ZNF423: variants seen among roughly 807,000 people sequenced by gnomAD.
ZNF423 encodes zinc finger protein 423.
ZNF423 carries 12 observed loss-of-function variants against 95.8 expected under a neutral mutation model. That is an observed-to-expected ratio of 0.13 (90% CI 0.08 to 0.20). The LOEUF (loss-of-function observed/expected upper bound fraction) is 0.20. Among genes scored for constraint, ZNF423 ranks in the 10% least tolerant of loss-of-function variants. The pLI is 1.00. For synonymous variants in ZNF423, 749 were observed against 711.9 expected, an observed-to-expected ratio of 1.05 and a Z score of -0.83; for missense variants, 1,316 against 1,737.1, an observed-to-expected ratio of 0.76 and a Z score of 4.31.
At chr16:49,496,216 C>A (rs944906001) in intron 7 of ZNF423, among the ~76,000 whole-genome samples, 3 of 152,236 alleles carry the variant, frequency 2.0e-5, no homozygotes, top group African/African-American at 7.2e-5. Flanking sequence ...TGGGCAAGTT[C>A]TGTGACCTCC....
intron 5 of ZNF423, among the ~76,000 whole-genome samples, chr16:49,562,427 T>G (rs906036990): frequency 6.6e-6 from 1 of 152,224 alleles, no homozygotes; most frequent in Non-Finnish European, 1.5e-5. Context: ...GTAAAGTGCT[T>G]GGCGCAGTGC....
At chr16:49,524,288 A>G (rs904398883) in intron 6 of ZNF423, among the ~76,000 whole-genome samples, 2 of 152,212 alleles carry the variant, frequency 1.3e-5, no homozygotes, top group African/African-American at 4.8e-5. Flanking sequence ...AAATAAGCTC[A>G]GCACAGGGTC....
At chr16:49,661,626 C>T (rs765203417) in intron 3 of ZNF423, among the ~76,000 whole-genome samples, 1 of 152,244 alleles carries the variant, frequency 6.6e-6, no homozygotes, top group Non-Finnish European at 1.5e-5. Context: ...TTGGGAAACA[C>T]CTCGCATCCA....
In ZNF423 at chr16:49,525,477, C is replaced by T. The variant is rs746296704; in HGVS notation, c.3619G>A (p.Glu1207Lys). 6.2e-7 allele frequency: 1 copy of T among 1,614,044 alleles called. No homozygotes were observed. Among genetic ancestry groups the T allele is most frequent in the Non-Finnish European group, 8.5e-7 (1 of 1,179,972 alleles). Reference sequence around the variant, plus strand: ...AACATCTGGTTGCACAGCTTACACTCGTGGTTGATGCCTTCCTCTGCAAGG... The same window carrying T: ...AACATCTGGTTGCACAGCTTACACTTGTGGTTGATGCCTTCCTCTGCAAGG... ...NHMIEEGINH[E>K]CKLCNQMFDS... Residue 1207 changes from glutamate to lysine, a missense_variant, in exon 6 of 8, where the codon GAG becomes AAG. Around this residue, in one of 6 missense-constraint regions of ZNF423, gnomAD observed 75 missense variants for 163.5 expected, o/e 0.46. Coordinates refer to ENST00000563137, the MANE Select transcript of ZNF423 (RefSeq NM_001379286.1).
intron 5 of ZNF423, among the ~76,000 whole-genome samples, chr16:49,606,863 G>A (rs1971552403): frequency 6.6e-6 from 1 of 152,116 alleles, no homozygotes; most frequent in African/African-American, 2.4e-5. Context: ...GCAGAGAAGT[G>A]GGGACCATGC....
rs560376661 is a variant in ZNF423, at chr16:49,576,451, A to G, written c.3601+49719T>C. Among the ~76,000 whole-genome samples, 21 of 152,312 alleles carry G rather than the reference A, an allele frequency of 1.4e-4. No homozygotes were observed. The South Asian group carries it at 1.4e-3, about 11-fold the overall frequency. On this transcript the variant is annotated intron_variant, in intron 5 of 7. Coordinates refer to ENST00000563137, the MANE Select transcript of ZNF423 (RefSeq NM_001379286.1). The stretch of plus-strand genomic sequence containing the variant: ...TCAAGTCTATTGAGTGTTAGCCCCA[A>G]TGCAACTACATTCACTACCAATAAA...
At chr16:49,848,510 C>T (rs1176155807) in intron 1 of ZNF423, among the ~76,000 whole-genome samples, 1 of 150,660 alleles carries the variant, frequency 6.6e-6, no homozygotes, top group Non-Finnish European at 1.5e-5. Flanking sequence ...ATAACCCAGG[C>T]CTCTGTCTCT....
At chr16:49,547,612 T>TG (rs1969485320) in intron 5 of ZNF423, among the ~76,000 whole-genome samples, 1 of 152,180 alleles carries the variant, frequency 6.6e-6, no homozygotes, top group Admixed American at 6.5e-5. Flanking sequence ...GAGTGGGCCC[T>TG]GGCGGGGAAC....
intron 3 of ZNF423, among the ~76,000 whole-genome samples, chr16:49,658,706 C>T (rs1421919596): frequency 1.3e-5 from 2 of 152,254 alleles, no homozygotes; most frequent in African/African-American, 4.8e-5. Flanking sequence ...TTGGCCAGCA[C>T]GTCAGGTCCC....
intron 6 of ZNF423, among the ~76,000 whole-genome samples, chr16:49,524,056 T>C (rs1172218254): frequency 1.3e-5 from 2 of 152,148 alleles, no homozygotes; most frequent in African/African-American, 4.8e-5. Flanking sequence ...ATTGATAAAG[T>C]GCTTAAAAGA....
chr16:49,712,412 CA>C (rs2032572886), intron 3 of ZNF423, among the ~76,000 whole-genome samples: 1 of 152,174 alleles, frequency 6.6e-6, no homozygotes, highest in African/African-American at 2.4e-5. Context: ...AAAAAAGAAA[CA>C]ATAGAAAGAG....
intron 3 of ZNF423, among the ~76,000 whole-genome samples, chr16:49,681,104 C>T (rs773455724): frequency 6.6e-6 from 1 of 152,204 alleles, no homozygotes; most frequent in South Asian, 2.1e-4. Flanking sequence ...CTCGCCCAAA[C>T]TCGACAGTCA....
intron 1 of ZNF423, among the ~76,000 whole-genome samples, chr16:49,797,684 C>A (rs2034520399): frequency 6.6e-6 from 1 of 152,252 alleles, no homozygotes. Flanking sequence ...CACAATATGA[C>A]AGTCACATCA....
chr16:49,518,451 AT>A, intron 7 of ZNF423: 1 of 431,084 alleles, frequency 2.3e-6, no homozygotes, highest in South Asian at 1.7e-5. Flanking sequence ...GACTTAGAAA[AT>A]TTTCCAAATA....
chr16:49,635,927 G>A lies in ZNF423; in HGVS notation c.3249C>T (p.Ser1083=). Reference sequence around the variant, plus strand: ...CGTCAAGCTTCACCAGGTCCTGCTTGCTGCGGAACTCCTTGAGGCACAGGG... The same window carrying A: ...CGTCAAGCTTCACCAGGTCCTGCTTACTGCGGAACTCCTTGAGGCACAGGG... ...KCALCLKEFR[S]KQDLVKLDVN... Residue 1083 remains serine, a synonymous_variant, in exon 4 of 8, where the codon AGC becomes AGT. Coordinates refer to ENST00000563137, the MANE Select transcript of ZNF423 (RefSeq NM_001379286.1). The surrounding 1 kb of genome is among the most constrained non-coding windows in gnomAD (Gnocchi z 4.8). 6 of 1,588,218 alleles carry A rather than the reference G, an allele frequency of 3.8e-6. No individual in the cohort carries two copies. Among genetic ancestry groups the A allele is most frequent in the Admixed American group, 1.7e-5 (1 of 57,914 alleles).
At chr16:49,664,174 C>T (rs760226352) in intron 3 of ZNF423, 138 of 985,434 alleles carry the variant, frequency 1.4e-4, no homozygotes, top group African/African-American at 1.9e-4. Context: ...TCCCAGCACC[C>T]GGCGGCAGGG....
At chr16:49,850,616 A>G (rs1019910872) in intron 1 of ZNF423, among the ~76,000 whole-genome samples, 21 of 152,194 alleles carry the variant, frequency 1.4e-4, no homozygotes, top group Admixed American at 9.2e-4. Context: ...GTGGCCAGGA[A>G]AGCCAAGTCC....
intron 5 of ZNF423, among the ~76,000 whole-genome samples, chr16:49,594,671 A>C (rs887790940): frequency 2.6e-5 from 4 of 152,196 alleles, no homozygotes; most frequent in Non-Finnish European, 5.9e-5. Context: ...GTGTTAGCCC[A>C]AAAAAACACC....
rs995462604 is a variant in ZNF423 at position 49,637,337 on chromosome 16, T to C, written c.1839A>G (p.Pro613=). The C allele has an allele frequency of 1.5e-5, 25 of 1,614,098 alleles. No individual in the cohort carries two copies. The highest frequency in any genetic ancestry group is 2.7e-5 in the African/African-American group (2 of 74,944). ...AAGACACCTCCACATCGGACGAGAC[T>C]GGGCTCTGCTCGGCCTTGGACTTCT... ...HSKKSKAEQS[P]VSSDVEVSSP... Residue 613 remains proline, a synonymous_variant, in exon 4 of 8, where the codon CCA becomes CCG. Coordinates refer to ENST00000563137, the MANE Select transcript of ZNF423 (RefSeq NM_001379286.1). This position sits in a 1 kb window ranked among gnomAD's most constrained non-coding sequence, Gnocchi z 5.6.
Sources: allele counts gnomAD v4.1 joint callset (sites outside exome capture counted in the v4.1 genomes callset), GRCh38; gene constraint gnomAD v4.1.1; regional missense constraint gnomAD v4.1.1; non-coding constraint Gnocchi (gnomAD v3.1); transcripts MANE v1.5; gene names NCBI Gene and HGNC (gene_info 2026-07-23, HGNC 2026-07-21).